SLC9A9: variants seen among roughly 807,000 people sequenced by gnomAD.
SLC9A9 encodes the protein solute carrier family 9 member A9, also known as sodium/hydrogen exchanger 9.
In SLC9A9, 62 loss-of-function variants were observed where a neutral mutation model predicts 77.8. That is an observed-to-expected ratio of 0.80 (90% CI 0.65 to 0.98). The LOEUF (loss-of-function observed/expected upper bound fraction) is 0.98. Among genes scored for constraint, SLC9A9 ranks in the 50% least tolerant of loss-of-function variants. The probability of loss-of-function intolerance (pLI) is 0.00; values close to 1 mark genes in which losing one functional copy is unlikely to be tolerated. For missense variants in SLC9A9, 775 were observed against 774.9 expected, an observed-to-expected ratio of 1.00 and a Z score of 0.00; for synonymous variants, 320 against 283.5, an observed-to-expected ratio of 1.13 and a Z score of -1.29.
chr3:143,399,004 CACAT>C (rs774414298), intron 12 of SLC9A9, among the ~76,000 whole-genome samples: 2,386 of 118,110 alleles, frequency 0.02, 50 homozygotes, highest in African/African-American at 0.071. Flanking sequence ...TACACACACA[CACAT>C]ACACACACAT....
Position 143,832,154 on chromosome 3 carries a change from A to G in SLC9A9, c.243T>C (p.Tyr81=), listed in dbSNP as rs369535499. 2.5e-6 allele frequency: 4 copies of G among 1,613,206 alleles called. No individual in the cohort carries two copies. Among genetic ancestry groups the G allele is most frequent in the Non-Finnish European group, 3.4e-6 (4 of 1,179,644 alleles). The change falls in exon 2 of 16, where the codon TAT becomes TAC. Residue 81 remains tyrosine (Y), a synonymous_variant. Transcript: ENST00000316549. ...APTDIESGTV[Y]DCVKLTFSPS... is the part of the protein sequence containing the mutation. ...GACTGAAAGTTAGTTTTACACAGTC[A>G]TAGACAGTTCCACTTTCAATATCAG... is the stretch of plus-strand genomic sequence containing the variant.
chr3:143,574,167 C>G lies in SLC9A9; in HGVS notation c.921G>C (p.Glu307Asp). 1 of 1,613,484 alleles carries G rather than the reference C, an allele frequency of 6.2e-7. No individual in the cohort carries two copies. Among genetic ancestry groups the G allele is most frequent in the African/African-American group, 1.3e-5 (1 of 74,988 alleles). Residue 307 changes from glutamate to aspartate, a missense_variant, in exon 8 of 16, where the codon GAG (glutamate) becomes GAC (aspartate). Coordinates refer to ENST00000316549, the MANE Select transcript of SLC9A9 (RefSeq NM_173653.4). ...ACAGGCCGGTTTCCAGCATCGGGAA[C>G]TCACACAGCTTGGTAAATTTGGTCA... ...ALLTKFTKLC[E>D]FPMLETGLFF...
chr3:143,615,414 C>A (rs190094351), intron 6 of SLC9A9, among the ~76,000 whole-genome samples: 27 of 152,284 alleles, frequency 1.8e-4, no homozygotes, highest in Middle Eastern at 6.8e-3. Flanking sequence ...CAGATGGAGA[C>A]CCTCTCCATC....
intron 14 of SLC9A9, among the ~76,000 whole-genome samples, chr3:143,310,103 C>T (rs2108436465): frequency 6.6e-6 from 1 of 152,320 alleles, no homozygotes; most frequent in East Asian, 1.9e-4. Flanking sequence ...TAGGCTTGCT[C>T]TTAGTTTAAG....
intron 14 of SLC9A9, among the ~76,000 whole-genome samples, chr3:143,331,019 GAA>G (rs1455639562): frequency 6.6e-6 from 1 of 152,184 alleles, no homozygotes; most frequent in Non-Finnish European, 1.5e-5. Flanking sequence ...TGCATATAAA[GAA>G]AGTCTTTGTG....
chr3:143,364,395 G>A (rs2108484896), intron 13 of SLC9A9, among the ~76,000 whole-genome samples: 1 of 152,096 alleles, frequency 6.6e-6, no homozygotes, highest in South Asian at 2.1e-4. Context: ...ATCTCTTAAT[G>A]TGGGCTTTGT....
At chr3:143,381,656 A>G (rs982119878) in intron 13 of SLC9A9, among the ~76,000 whole-genome samples, 1 of 152,350 alleles carries the variant, frequency 6.6e-6, no homozygotes, top group East Asian at 1.9e-4. Flanking sequence ...GACCTGATAA[A>G]TGAGAAGCTA....
chr3:143,471,126 G>C (rs987791131), intron 11 of SLC9A9, among the ~76,000 whole-genome samples: 1 of 152,178 alleles, frequency 6.6e-6, no homozygotes, highest in Non-Finnish European at 1.5e-5. Context: ...TTAGAGATGG[G>C]ATCATCTGTC....
At chr3:143,556,495 T>A (rs987149924) in intron 8 of SLC9A9, among the ~76,000 whole-genome samples, 7 of 152,200 alleles carry the variant, frequency 4.6e-5, no homozygotes, top group African/African-American at 1.7e-4. Context: ...TCCTGCTAGC[T>A]TCATCTCAGC....
chr3:143,526,290 C>T (rs973485474), intron 9 of SLC9A9, among the ~76,000 whole-genome samples: 4 of 152,144 alleles, frequency 2.6e-5, no homozygotes, highest in Non-Finnish European at 4.4e-5. Flanking sequence ...GAGCCATCTG[C>T]GTCTCTGCAC....
intron 11 of SLC9A9, among the ~76,000 whole-genome samples, chr3:143,468,291 TA>T (rs747507184): frequency 6.6e-6 from 1 of 152,250 alleles, no homozygotes; most frequent in Non-Finnish European, 1.5e-5. Flanking sequence ...CTACCAGCAA[TA>T]TATAAGTCAT....
At chr3:143,816,048 A>G (rs1203325686) in intron 2 of SLC9A9, among the ~76,000 whole-genome samples, 7 of 152,216 alleles carry the variant, frequency 4.6e-5, no homozygotes, top group African/African-American at 1.2e-4. Flanking sequence ...ACCTCAAACA[A>G]GTTTTAAATG....
intron 11 of SLC9A9, among the ~76,000 whole-genome samples, chr3:143,478,939 A>T (rs1421397789): frequency 6.6e-6 from 1 of 152,234 alleles, no homozygotes; most frequent in Admixed American, 6.5e-5. Context: ...GATACTTGTG[A>T]TATCTGTGAC....
At chr3:143,301,542 G>A (rs1030858242) in intron 14 of SLC9A9, among the ~76,000 whole-genome samples, 2 of 152,196 alleles carry the variant, frequency 1.3e-5, no homozygotes, top group Admixed American at 6.5e-5. Context: ...AGAGTAGAAT[G>A]GAATAGCTGG....
At chr3:143,432,129 CTTATT>C (rs1158162230) in intron 12 of SLC9A9, among the ~76,000 whole-genome samples, 2 of 152,138 alleles carry the variant, frequency 1.3e-5, no homozygotes, top group Non-Finnish European at 2.9e-5. Context: ...TTTCTCACGG[CTTATT>C]TTCTCTTGCC....
chr3:143,659,857 C>T (rs905105805), intron 5 of SLC9A9, among the ~76,000 whole-genome samples: 1 of 152,146 alleles, frequency 6.6e-6, no homozygotes, highest in Non-Finnish European at 1.5e-5. Context: ...ATGGAAGGGA[C>T]CCTGTGGGAG....
chr3:143,763,908 G>A (rs1477889361), intron 4 of SLC9A9, among the ~76,000 whole-genome samples: 1 of 152,082 alleles, frequency 6.6e-6, no homozygotes, highest in East Asian at 1.9e-4. Context: ...AATATGATAA[G>A]TGTGTGTTGC....
intron 4 of SLC9A9, among the ~76,000 whole-genome samples, chr3:143,714,192 A>G (rs1427451889): frequency 6.6e-6 from 1 of 152,208 alleles, no homozygotes; most frequent in Non-Finnish European, 1.5e-5. Context: ...AAAGTCTAGC[A>G]GCCTCTCTAT....
At chr3:143,541,285 A>G (rs189263368) in intron 9 of SLC9A9, among the ~76,000 whole-genome samples, 1 of 152,340 alleles carries the variant, frequency 6.6e-6, no homozygotes, top group East Asian at 1.9e-4. Context: ...AGGACACCCA[A>G]GCAGCCCGAT....
Sources: allele counts gnomAD v4.1 joint callset (sites outside exome capture counted in the v4.1 genomes callset), GRCh38; gene constraint gnomAD v4.1.1; transcripts MANE v1.5; gene names NCBI Gene and HGNC (gene_info 2026-07-23, HGNC 2026-07-21).